The following RASGRP3 variants were observed in gnomAD, a reference collection of about 807,000 sequenced individuals.
RASGRP3 encodes the protein RAS guanyl releasing protein 3.
RASGRP3 carries 54 observed loss-of-function variants against 82.7 expected under a neutral mutation model. The observed-to-expected ratio is 0.65, with a 90% confidence interval of 0.52 to 0.82. The LOEUF is 0.82. Ranked by LOEUF, RASGRP3 falls within the 40% of genes least tolerant of loss-of-function variation. The pLI is 0.00. For synonymous variants in RASGRP3, 309 were observed against 300.5 expected (o/e 1.03, Z -0.29); for missense variants, 861 against 828.9 (o/e 1.04, Z -0.48).
intron 1 of RASGRP3, among the ~76,000 whole-genome samples, chr2:33,500,232 T>A (rs534278590): frequency 6.6e-6 from 1 of 152,282 alleles, no homozygotes; most frequent in African/African-American, 2.4e-5. Flanking sequence ...AGGCTTTGTA[T>A]GCCATGGAAA....
chr2:33,437,233 A>T (rs965434522), intron 1 of RASGRP3, among the ~76,000 whole-genome samples: 7 of 152,314 alleles, frequency 4.6e-5, no homozygotes, highest in African/African-American at 1.4e-4. Context: ...TTCGTTCATT[A>T]TGTTTTGAGT....
At chr2:33,487,241 C>T (rs982843556) in intron 1 of RASGRP3, among the ~76,000 whole-genome samples, 1 of 151,870 alleles carries the variant, frequency 6.6e-6, no homozygotes, top group African/African-American at 2.4e-5. Flanking sequence ...TGTAGTTTGT[C>T]AAGTAGAGGG....
chr2:33,443,249 A>G (rs757521188), intron 1 of RASGRP3, among the ~76,000 whole-genome samples: 3 of 152,252 alleles, frequency 2.0e-5, no homozygotes, highest in African/African-American at 4.8e-5. Flanking sequence ...CAAAAACTCA[A>G]AACAAGTGAA....
At chr2:33,465,818 T>G (rs981704940) in intron 2 of RASGRP3, among the ~76,000 whole-genome samples, 1 of 152,236 alleles carries the variant, frequency 6.6e-6, no homozygotes, top group Non-Finnish European at 1.5e-5. Context: ...AATGCTCATT[T>G]GCCAATCTGA....
At chr2:33,442,338 T>C (rs1244378452) in intron 1 of RASGRP3, among the ~76,000 whole-genome samples, 1 of 152,224 alleles carries the variant, frequency 6.6e-6, no homozygotes, top group Non-Finnish European at 1.5e-5. Context: ...CACTCCAGCC[T>C]GGGTGACAGA....
chr2:33,459,383 C>T (rs1453501984), intron 2 of RASGRP3, among the ~76,000 whole-genome samples: 2 of 152,212 alleles, frequency 1.3e-5, no homozygotes, highest in African/African-American at 4.8e-5. Context: ...ATCCGCCTGC[C>T]TCAGCCTCCC....
At chr2:33,480,208 A>G (rs1425182281) in intron 1 of RASGRP3, among the ~76,000 whole-genome samples, 1 of 151,850 alleles carries the variant, frequency 6.6e-6, no homozygotes, top group African/African-American at 2.4e-5. Context: ...ATGCCCGGCT[A>G]ATTTTTTTGT....
chr2:33,526,681 G>A lies in RASGRP3; in HGVS notation c.808-456G>A, dbSNP rs866481442. ...TCAAGGTCACCCTTCTAGTTAGGCAGAATATAGAACCACAGCTATCTCACA... is the reference window on the plus strand; with the variant it reads ...TCAAGGTCACCCTTCTAGTTAGGCAAAATATAGAACCACAGCTATCTCACA... On this transcript the variant is annotated intron_variant, in intron 9 of 17. Coordinates refer to ENST00000403687, the MANE Select transcript of RASGRP3 (RefSeq NM_001139488.2). Among the ~76,000 whole-genome samples, 8 of 152,176 alleles carry A rather than the reference G, an allele frequency of 5.3e-5. No individual in the cohort carries two copies. The South Asian group carries it at 1.4e-3, about 28-fold the overall frequency.
chr2:33,552,610 G>A (rs949378952), intron 14 of RASGRP3, among the ~76,000 whole-genome samples: 3 of 152,178 alleles, frequency 2.0e-5, no homozygotes, highest in African/African-American at 7.2e-5. Flanking sequence ...GGAATTGTGG[G>A]AGAATGGTTC....
intron 1 of RASGRP3, among the ~76,000 whole-genome samples, chr2:33,478,553 C>A (rs942744744): frequency 1.3e-5 from 2 of 152,200 alleles, no homozygotes; most frequent in African/African-American, 4.8e-5. Context: ...AATTATCCAA[C>A]TGCTGTATTT....
intron 14 of RASGRP3, among the ~76,000 whole-genome samples, chr2:33,551,309 T>C (rs1675335306): frequency 6.6e-6 from 1 of 151,778 alleles, no homozygotes; most frequent in Admixed American, 6.6e-5. Context: ...CGAGACTCAG[T>C]CTCAAAACAA....
chr2:33,529,457 T>C (rs1672889757), intron 10 of RASGRP3, among the ~76,000 whole-genome samples: 1 of 105,066 alleles, frequency 9.5e-6, no homozygotes, highest in Non-Finnish European at 1.7e-5. Context: ...ATGGTGCCAC[T>C]GCACTGGGCG....
intron 2 of RASGRP3, among the ~76,000 whole-genome samples, chr2:33,454,878 A>C (rs1299195589): frequency 6.6e-6 from 1 of 152,206 alleles, no homozygotes; most frequent in African/African-American, 2.4e-5. Flanking sequence ...TGTCCTAAAA[A>C]TTTGGGGAAG....
chr2:33,474,314 C>T (rs1384792024), upstream of RASGRP3, among the ~76,000 whole-genome samples: 1 of 152,114 alleles, frequency 6.6e-6, no homozygotes, highest in Non-Finnish European at 1.5e-5. Flanking sequence ...GTGCTGTTCT[C>T]ATGATAGTGA....
At chr2:33,552,027 A>AAAC (rs1553364878) in intron 14 of RASGRP3, among the ~76,000 whole-genome samples, 4,411 of 64,210 alleles carry the variant, frequency 0.069, 216 homozygotes, top group African/African-American at 0.26. Flanking sequence ...ACAAACAAAC[A>AAAC]GAGAAACAAA....
chr2:33,561,231 T>C (rs1676615198), intron 17 of RASGRP3, among the ~76,000 whole-genome samples: 2 of 152,092 alleles, frequency 1.3e-5, no homozygotes, highest in African/African-American at 4.8e-5. Flanking sequence ...CATGCCCGGC[T>C]GATTTTTGCA....
chr2:33,523,139 C>G (rs1388315839), intron 7 of RASGRP3, among the ~76,000 whole-genome samples: 1 of 151,952 alleles, frequency 6.6e-6, no homozygotes, highest in Non-Finnish European at 1.5e-5. Flanking sequence ...ACCGTTATAT[C>G]TTTAACTTGC....
chr2:33,537,324 C>CACA lies in RASGRP3; in HGVS notation c.1162-1770_1162-1769insACA, dbSNP rs879354715. On this transcript the variant is annotated intron_variant, in intron 11 of 17. Coordinates refer to ENST00000403687, the MANE Select transcript of RASGRP3 (RefSeq NM_001139488.2). ...CTAAAATACACACACACACACACCGCCCCCCCCACACACACACACAAGTAT... is the reference window on the plus strand; with the variant it reads ...CTAAAATACACACACACACACACCGCACACCCCCCCACACACACACACAAGTAT... 8.7e-3 allele frequency among the ~76,000 whole-genome samples: 249 copies of CACA among 28,484 alleles called. 12 individuals carry two copies. Among genetic ancestry groups the CACA allele is most frequent in the Admixed American group, 0.013 (33 of 2,590 alleles). The allele number at this position is 28,484 out of a possible 152,430, so 18.7% of individuals were successfully genotyped here.
At chr2:33,483,842 CATTTGAG>C (rs956178119) in intron 1 of RASGRP3, among the ~76,000 whole-genome samples, 2 of 152,140 alleles carry the variant, frequency 1.3e-5, no homozygotes, top group Non-Finnish European at 2.9e-5. Context: ...CAAATAACCA[CATTTGAG>C]TGTATGTATG....
Sources: gnomAD v4.1 joint callset for allele counts (sites outside exome capture counted in the v4.1 genomes callset) on GRCh38, gnomAD v4.1.1 for gene constraint, MANE v1.5 for transcripts, NCBI Gene and HGNC (gene_info 2026-07-23, HGNC 2026-07-21) for gene names.